The following C1QTNF7 variants were observed in gnomAD, a reference collection of about 807,000 sequenced individuals.
The protein encoded by C1QTNF7 is complement C1q tumor necrosis factor-related protein 7.
Under a neutral mutation model 19.6 loss-of-function variants are expected in C1QTNF7, and 15 were observed. The observed-to-expected ratio is 0.76, with a 90% CI of 0.51 to 1.18. The LOEUF is 1.18. Ranked by LOEUF, C1QTNF7 falls within the 50% of genes most tolerant of loss-of-function variation. The pLI is 0.00. For missense variants in C1QTNF7, 324 were observed against 359.7 expected (o/e 0.90, Z 0.80); for synonymous variants, 142 against 137.5 (o/e 1.03, Z -0.23).
chr4:15,430,186 T>G (rs1234705889), intron 1 of C1QTNF7, among the ~76,000 whole-genome samples: 2 of 152,230 alleles, frequency 1.3e-5, no homozygotes, highest in Non-Finnish European at 2.9e-5. Context: ...TTAAATTTTT[T>G]AAATGTGTTT....
Position 15,442,275 on chromosome 4 carries a change from G to A in C1QTNF7, c.346G>A (p.Gly116Ser). Residue 116 changes from glycine to serine, a missense_variant, in exon 3 of 3, where the codon GGT becomes AGT. Coordinates refer to ENST00000444304, the MANE Select transcript of C1QTNF7 (RefSeq NM_031911.5). ...IGPEGEKGEV[G>S]PIGPPGPKGD... is the part of the protein sequence containing the mutation. ...ACCAGAGGGAGAGAAAGGAGAAGTAGGTCCAATTGGTCCTCCTGGACCAAA... is the reference window on the plus strand; with the variant it reads ...ACCAGAGGGAGAGAAAGGAGAAGTAAGTCCAATTGGTCCTCCTGGACCAAA... 6.2e-7 allele frequency: 1 copy of A among 1,614,094 alleles called. No homozygotes were observed. Among genetic ancestry groups the A allele is most frequent in the South Asian group, 1.1e-5 (1 of 91,078 alleles).
chr4:15,364,849 A>AC (rs1339503958), intron 1 of C1QTNF7, among the ~76,000 whole-genome samples: 5 of 152,188 alleles, frequency 3.3e-5, no homozygotes, highest in Non-Finnish European at 7.3e-5. Flanking sequence ...GCTGTGTTAT[A>AC]AATACGTTGG....
intron 1 of C1QTNF7, among the ~76,000 whole-genome samples, chr4:15,405,189 C>T (rs1334409826): frequency 1.3e-5 from 2 of 152,210 alleles, no homozygotes; most frequent in Admixed American, 6.5e-5. Flanking sequence ...CTGTTTCCCT[C>T]GTTCCACTGT....
chr4:15,371,471 G>A (rs1717722201), intron 1 of C1QTNF7, among the ~76,000 whole-genome samples: 1 of 152,146 alleles, frequency 6.6e-6, no homozygotes, highest in Admixed American at 6.5e-5. Flanking sequence ...CCTAATGGCT[G>A]GACATATCTT....
intron 1 of C1QTNF7, among the ~76,000 whole-genome samples, chr4:15,396,731 C>T (rs1475803120): frequency 5.9e-5 from 9 of 152,052 alleles, no homozygotes; most frequent in Non-Finnish European, 1.5e-5. Context: ...CAGAATTGTC[C>T]CATCAGCAGA....
intron 1 of C1QTNF7, chr4:15,374,240 A>G (rs1717842345): frequency 6.6e-6 from 1 of 152,166 alleles, no homozygotes; most frequent in Non-Finnish European, 1.5e-5. Context: ...TCTACTGTCA[A>G]CCGAAGGGGC....
intron 1 of C1QTNF7, among the ~76,000 whole-genome samples, chr4:15,421,729 T>C (rs2108926514): frequency 6.6e-6 from 1 of 152,236 alleles, no homozygotes; most frequent in Middle Eastern, 3.4e-3. Context: ...TCCACACCTG[T>C]AATAAGGAGA....
intron 2 of C1QTNF7, among the ~76,000 whole-genome samples, chr4:15,439,302 T>A (rs1012466932): frequency 6.6e-6 from 1 of 152,232 alleles, no homozygotes; most frequent in East Asian, 1.9e-4. Flanking sequence ...ATCCAAACTT[T>A]CAGGCCGTGA....
At chr4:15,437,818 T>C (rs1712595304) in intron 2 of C1QTNF7, among the ~76,000 whole-genome samples, 1 of 152,214 alleles carries the variant, frequency 6.6e-6, no homozygotes, top group South Asian at 2.1e-4. Context: ...GGATATTCAA[T>C]AGCATTCCAC....
intron 1 of C1QTNF7, among the ~76,000 whole-genome samples, chr4:15,345,924 G>A (rs1271998488): frequency 6.6e-6 from 1 of 152,154 alleles, no homozygotes; most frequent in African/African-American, 2.4e-5. Flanking sequence ...AAGAGATGGA[G>A]CAGATGTTTA....
At chr4:15,386,292 T>C (rs1247320517) in intron 1 of C1QTNF7, among the ~76,000 whole-genome samples, 3 of 152,204 alleles carry the variant, frequency 2.0e-5, no homozygotes, top group Non-Finnish European at 2.9e-5. Context: ...AACTAGCTCA[T>C]TGAAGTCTTA....
In C1QTNF7 at chr4:15,435,916, T is replaced by C. The variant is rs748808373; in HGVS notation, c.173T>C (p.Ile58Thr). The change falls in exon 2 of 3, where the codon ATC becomes ACC. Residue 58 changes from isoleucine (I) to threonine (T), a missense_variant. Transcript: ENST00000444304. Reference sequence around the variant, plus strand: ...GGTTCCCCTGGGCCCCATGGTCGCATCGGCCTTCCAGGAAGAGATGGTAGA... The same window carrying C: ...GGTTCCCCTGGGCCCCATGGTCGCACCGGCCTTCCAGGAAGAGATGGTAGA... ...ANGSPGPHGR[I>T]GLPGRDGRDG... The C allele has an allele frequency of 6.2e-7, 1 of 1,613,984 alleles. No homozygotes were observed. The highest frequency in any genetic ancestry group is 8.5e-7 in the Non-Finnish European group (1 of 1,179,962).
intron 1 of C1QTNF7, among the ~76,000 whole-genome samples, chr4:15,402,093 G>T (rs1467875471): frequency 1.3e-5 from 2 of 152,192 alleles, no homozygotes; most frequent in African/African-American, 4.8e-5. Context: ...TCAAGATATG[G>T]ACTGTGAAAA....
At chr4:15,433,793 CT>C (rs1712423820) in intron 1 of C1QTNF7, among the ~76,000 whole-genome samples, 1 of 152,206 alleles carries the variant, frequency 6.6e-6, no homozygotes, top group African/African-American at 2.4e-5. Context: ...AGGTGGCCCC[CT>C]GAGGAAGGGC....
At chr4:15,393,484 T>A (rs1718662795) in intron 1 of C1QTNF7, among the ~76,000 whole-genome samples, 1 of 152,152 alleles carries the variant, frequency 6.6e-6, no homozygotes, top group African/African-American at 2.4e-5. Context: ...CTGCCCTTTC[T>A]CAGAATCATC....
chr4:15,445,314 T>G lies in C1QTNF7; in HGVS notation c.*2515T>G, dbSNP rs1712951508. 1 of 152,212 alleles carries G rather than the reference T, an allele frequency of 6.6e-6. No homozygotes were observed. Among genetic ancestry groups the G allele is most frequent in the Admixed American group, 6.5e-5 (1 of 15,282 alleles). The allele number at this position is 152,212 out of a possible 1,614,324, so 9.4% of individuals were successfully genotyped here. A position where few individuals can be genotyped will look rare whatever the true frequency, so the allele number is the denominator to read the frequency against. On this transcript the variant is annotated 3_prime_UTR_variant, in exon 3 of 3. Coordinates refer to ENST00000444304, the MANE Select transcript of C1QTNF7 (RefSeq NM_031911.5). ...CGGGAAAAGTGAACATATGGGCCCT[T>G]TAAAGACTACAAGATTTGCTAGATA...
chr4:15,379,908 G>A (rs1718077325), intron 1 of C1QTNF7, among the ~76,000 whole-genome samples: 1 of 152,200 alleles, frequency 6.6e-6, no homozygotes, highest in African/African-American at 2.4e-5. Context: ...GTGGGGACAT[G>A]TTGAGTCCAG....
intron 1 of C1QTNF7, among the ~76,000 whole-genome samples, chr4:15,409,066 G>C (rs148453098): frequency 4.9e-4 from 74 of 152,196 alleles, no homozygotes; most frequent in African/African-American, 1.7e-3. Flanking sequence ...GGACAGATGG[G>C]ATTTTCAGAT....
At chr4:15,364,046 A>G (rs190910606) in intron 1 of C1QTNF7, among the ~76,000 whole-genome samples, 7 of 152,308 alleles carry the variant, frequency 4.6e-5, no homozygotes, top group Non-Finnish European at 7.4e-5. Context: ...CGCATTGTCT[A>G]ATTAATCTTG....
Sources: allele counts gnomAD v4.1 joint callset (sites outside exome capture counted in the v4.1 genomes callset), GRCh38; gene constraint gnomAD v4.1.1; transcripts MANE v1.5; gene names NCBI Gene and HGNC (gene_info 2026-07-23, HGNC 2026-07-21).